Variants in PIEZO2 observed in about 807,000 individuals in gnomAD.
The protein encoded by PIEZO2 is piezo type mechanosensitive ion channel component 2.
A neutral mutation model predicts 337.3 loss-of-function variants in PIEZO2; 172 were observed. The ratio of observed to expected loss-of-function variants is 0.51; its 90% confidence interval spans 0.45 to 0.58. The LOEUF is 0.58. Ranked by LOEUF, PIEZO2 falls within the 20% of genes least tolerant of loss-of-function variation. PIEZO2 has a pLI of 0.00. For missense variants in PIEZO2, 3,028 were observed against 3,391.3 expected (o/e 0.89, Z 2.66); for synonymous variants, 1,251 against 1,228.5 (o/e 1.02, Z -0.38).
chr18:10,744,090 T>C, intron 31 of PIEZO2, 52 bp downstream of exon 31: 3 of 1,320,666 alleles, frequency 2.3e-6, no homozygotes, highest in Non-Finnish European at 2.1e-6. Context: ...CAGCTGAATG[T>C]GGTCACACAA....
In PIEZO2 at chr18:10,953,954, G is replaced by A. The variant is rs2033412815; in HGVS notation, c.286+25581C>T. On this transcript the variant is annotated intron_variant, in intron 3 of 55. Coordinates refer to ENST00000674853, the MANE Select transcript of PIEZO2 (RefSeq NM_001378183.1). The surrounding 1 kb of genome is among the most constrained non-coding windows in gnomAD (Gnocchi z 5.2). ...AGGGAACTGAAGTCTGTCAGATTGAGGACCAGGTGGTGTGCAGCTGGTTCA... is the reference window on the plus strand; with the variant it reads ...AGGGAACTGAAGTCTGTCAGATTGAAGACCAGGTGGTGTGCAGCTGGTTCA... Among the ~76,000 whole-genome samples the A allele has an allele frequency of 6.6e-6, 1 of 152,208 alleles. No individual in the cohort carries two copies. Among genetic ancestry groups the A allele is most frequent in the Non-Finnish European group, 1.5e-5 (1 of 68,038 alleles).
chr18:10,814,934 A>T (rs1462105905), intron 7 of PIEZO2, among the ~76,000 whole-genome samples: 1 of 152,164 alleles, frequency 6.6e-6, no homozygotes, highest in Non-Finnish European at 1.5e-5. Flanking sequence ...AACCTTACGG[A>T]TTAATTATGT....
chr18:10,728,945 ACT>A (rs1323467985), intron 36 of PIEZO2, among the ~76,000 whole-genome samples: 3 of 132,660 alleles, frequency 2.3e-5, no homozygotes, highest in South Asian at 2.4e-4. Context: ...ACAGAGCAAG[ACT>A]CTGTCTCAAA....
chr18:11,039,197 C>T (rs1317122241), intron 2 of PIEZO2, among the ~76,000 whole-genome samples: 1 of 152,154 alleles, frequency 6.6e-6, no homozygotes, highest in African/African-American at 2.4e-5. Flanking sequence ...AAAATCCCTC[C>T]CGCAATGCTG....
intron 7 of PIEZO2, among the ~76,000 whole-genome samples, chr18:10,832,079 C>T (rs1340751803): frequency 1.3e-5 from 2 of 152,116 alleles, no homozygotes; most frequent in South Asian, 2.1e-4. Context: ...GGGAGGATCA[C>T]TTGAGGCCAG....
rs1166482316 is a variant in PIEZO2 at position 10,863,301 on chromosome 18, G to T, written c.493-6090C>A. 1.3e-5 allele frequency among the ~76,000 whole-genome samples: 2 copies of T among 152,204 alleles called. No homozygotes were observed. The highest frequency in any genetic ancestry group is 2.9e-5 in the Non-Finnish European group (2 of 68,036). Reference sequence around the variant, plus strand: ...GAGGGAAAAAAAGATAGATGTGTTTGAATGCTATTGTGTGTACCTTATGCA... The same window carrying T: ...GAGGGAAAAAAAGATAGATGTGTTTTAATGCTATTGTGTGTACCTTATGCA... On this transcript the variant is annotated intron_variant, in intron 5 of 55. Coordinates refer to ENST00000674853, the MANE Select transcript of PIEZO2 (RefSeq NM_001378183.1). The surrounding 1 kb of genome is among the most constrained non-coding windows in gnomAD (Gnocchi z 4.3).
rs1438321835 is a variant in PIEZO2, at chr18:10,716,685, CAAGGT to C, written c.5090-874_5090-870del. On this transcript the variant is annotated intron_variant, in intron 37 of 55. Coordinates refer to ENST00000674853, the MANE Select transcript of PIEZO2 (RefSeq NM_001378183.1). The surrounding 1 kb of genome is among the most constrained non-coding windows in gnomAD (Gnocchi z 4.1). Reference sequence around the variant, plus strand: ...CTCACATCCTTTATAAAATCTCAAGCAAGGTATGTATTTCTCACAATCATTCAGAT... The same window carrying C: ...CTCACATCCTTTATAAAATCTCAAGCATGTATTTCTCACAATCATTCAGAT... Among the ~76,000 whole-genome samples the C allele has an allele frequency of 6.6e-6, 1 of 152,152 alleles. No homozygotes were observed. The highest frequency in any genetic ancestry group is 1.9e-4 in the East Asian group (1 of 5,196).
In PIEZO2 at chr18:10,766,677, C is replaced by T. The variant is rs1018364125; in HGVS notation, c.2946+3471G>A. On this transcript the variant is annotated intron_variant, in intron 21 of 55. Coordinates refer to ENST00000674853, the MANE Select transcript of PIEZO2 (RefSeq NM_001378183.1). This position sits in a 1 kb window ranked among gnomAD's most constrained non-coding sequence, Gnocchi z 6.1. The stretch of plus-strand genomic sequence containing the variant: ...GCAACTATCACCTCCAGGCTGCAAC[C>T]GCCTGCAAGAGATACTCCTCCCTGT... 2.0e-5 allele frequency among the ~76,000 whole-genome samples: 3 copies of T among 152,150 alleles called. No individual in the cohort carries two copies. The highest frequency in any genetic ancestry group is 2.1e-4 in the South Asian group (1 of 4,828).
chr18:11,036,589 A>T (rs1019565590), intron 2 of PIEZO2, among the ~76,000 whole-genome samples: 3 of 151,592 alleles, frequency 2.0e-5, no homozygotes, highest in African/African-American at 7.2e-5. Flanking sequence ...AAATATTTAT[A>T]TTTAATATAA....
rs1422413636 is a variant in PIEZO2, at chr18:11,069,740, G to A, written c.65-3518C>T. ...GGAAAGGAAGAGGCAAAGCAAATTT[G>A]TGTTTGCAGATGACATGATCTTATA... On this transcript the variant is annotated intron_variant, in intron 1 of 55. Transcript: ENST00000674853. The surrounding 1 kb of genome is among the most constrained non-coding windows in gnomAD (Gnocchi z 4.9). Among the ~76,000 whole-genome samples, 1 of 152,166 alleles carries A rather than the reference G, an allele frequency of 6.6e-6. No individual in the cohort carries two copies. Among genetic ancestry groups the A allele is most frequent in the Non-Finnish European group, 1.5e-5 (1 of 68,028 alleles).
intron 2 of PIEZO2, among the ~76,000 whole-genome samples, chr18:11,014,714 T>C (rs1370168991): frequency 8.1e-5 from 9 of 111,166 alleles, no homozygotes; most frequent in African/African-American, 3.2e-4. Flanking sequence ...AGGGCCCCCC[T>C]CATTCCTCAC....
chr18:10,948,678 G>C (rs1057046411), intron 3 of PIEZO2, among the ~76,000 whole-genome samples: 1 of 152,124 alleles, frequency 6.6e-6, no homozygotes, highest in Non-Finnish European at 1.5e-5. Context: ...GAAATGTCTG[G>C]AAGCAGATAC....
chr18:10,845,181 T>C (rs1008952840), intron 7 of PIEZO2, among the ~76,000 whole-genome samples: 3 of 145,664 alleles, frequency 2.1e-5, no homozygotes, highest in African/African-American at 7.8e-5. Flanking sequence ...TTATAATTTT[T>C]CCCATTGTGT....
At chr18:10,772,063 G>A (rs895708180) in intron 20 of PIEZO2, among the ~76,000 whole-genome samples, 8 of 151,992 alleles carry the variant, frequency 5.3e-5, no homozygotes, top group East Asian at 3.9e-4. Flanking sequence ...TATTAATAAC[G>A]AAAGAAAAAA....
intron 7 of PIEZO2, among the ~76,000 whole-genome samples, chr18:10,826,488 A>G (rs2040681467): frequency 6.6e-6 from 1 of 152,198 alleles, no homozygotes; most frequent in Non-Finnish European, 1.5e-5. Context: ...TGATTTCAGA[A>G]CTGATAACAT....
chr18:11,011,250 G>A (rs547385182), intron 2 of PIEZO2, among the ~76,000 whole-genome samples: 1 of 152,208 alleles, frequency 6.6e-6, no homozygotes, highest in Admixed American at 6.5e-5. Flanking sequence ...CATTTAATCT[G>A]TGTCCTACAA....
In PIEZO2 at chr18:10,993,513, TTTGTTGTTG is replaced by T. The variant is rs143536796; in HGVS notation, c.161-13862_161-13854del. On this transcript the variant is annotated intron_variant, in intron 2 of 55. Transcript: ENST00000674853. The surrounding 1 kb of genome is among the most constrained non-coding windows in gnomAD (Gnocchi z 5.0). ...TTCTGTTTATGTGATAGATTACGTT[TTTGTTGTTG>T]TTGTTGTTGTTGTTGTTGTTTTGAG... 2.0e-4 allele frequency among the ~76,000 whole-genome samples: 31 copies of T among 151,616 alleles called. No homozygotes were observed. Among genetic ancestry groups the T allele is most frequent in the Non-Finnish European group, 3.4e-4 (23 of 67,888 alleles).
intron 31 of PIEZO2, 77 bp downstream of exon 31, chr18:10,744,065 C>T: frequency 3.8e-6 from 4 of 1,048,786 alleles, no homozygotes; most frequent in Non-Finnish European, 5.6e-6. Context: ...TTGAGGCTCC[C>T]CAACAGTGGA....
At chr18:11,055,727 A>G (rs932259572) in intron 2 of PIEZO2, among the ~76,000 whole-genome samples, 3 of 152,026 alleles carry the variant, frequency 2.0e-5, no homozygotes, top group African/African-American at 7.2e-5. Context: ...GCAGTGGGGG[A>G]AATCTTGACC....
Sources: gnomAD v4.1 joint callset for allele counts (sites outside exome capture counted in the v4.1 genomes callset) on GRCh38, gnomAD v4.1.1 for gene constraint, Gnocchi (gnomAD v3.1) non-coding constraint, MANE v1.5 for transcripts, NCBI Gene and HGNC (gene_info 2026-07-23, HGNC 2026-07-21) for gene names.